CNTN5: variants seen among roughly 807,000 people sequenced by gnomAD.
CNTN5 encodes contactin-5.
In CNTN5, 77 loss-of-function variants were observed where a neutral mutation model predicts 129.1. The observed-to-expected ratio is 0.60, with a 90% confidence interval of 0.50 to 0.72. The LOEUF (loss-of-function observed/expected upper bound fraction) is 0.72. Among genes scored for constraint, CNTN5 ranks in the 30% least tolerant of loss-of-function variants. The pLI, the probability that CNTN5 is intolerant of heterozygous loss-of-function variation, is 0.00. For missense variants in CNTN5, 1,478 were observed against 1,328.8 expected (o/e 1.11, Z -1.75); for synonymous variants, 509 against 465.6 (o/e 1.09, Z -1.20).
intron 1 of CNTN5, among the ~76,000 whole-genome samples, chr11:99,078,118 C>T (rs948788191): frequency 2.0e-5 from 3 of 152,114 alleles, no homozygotes; most frequent in Non-Finnish European, 4.4e-5. Flanking sequence ...AAAATGAACA[C>T]AAAAATTGAT....
intron 7 of CNTN5, among the ~76,000 whole-genome samples, chr11:99,945,816 C>T (rs928644687): frequency 1.7e-4 from 26 of 152,120 alleles, no homozygotes; most frequent in African/African-American, 6.0e-4. Context: ...TGTCTCAGTT[C>T]TTCCCCAGAG....
intron 7 of CNTN5, among the ~76,000 whole-genome samples, chr11:99,934,896 G>GTT: frequency 1.2e-4 from 1 of 8,474 alleles, no homozygotes; most frequent in African/African-American, 4.5e-4. Context: ...GTGTGTGTGT[G>GTT]TGTATATATA....
chr11:99,409,289 C>T (rs969797349), intron 2 of CNTN5, among the ~76,000 whole-genome samples: 3 of 151,978 alleles, frequency 2.0e-5, no homozygotes, highest in Non-Finnish European at 4.4e-5. Flanking sequence ...ACGGTGAAAC[C>T]GCATCTCTAC....
intron 8 of CNTN5, among the ~76,000 whole-genome samples, chr11:99,973,922 C>A (rs1018383971): frequency 6.6e-6 from 1 of 152,142 alleles, no homozygotes; most frequent in Non-Finnish European, 1.5e-5. Flanking sequence ...CTCATATATT[C>A]AAATGAGTGT....
At chr11:99,998,673 AC>A (rs1235287810) in intron 8 of CNTN5, among the ~76,000 whole-genome samples, 1 of 125,764 alleles carries the variant, frequency 8.0e-6, no homozygotes, top group Non-Finnish European at 1.7e-5. Flanking sequence ...TTCATATGGA[AC>A]CAAAAAAGAG....
intron 3 of CNTN5, among the ~76,000 whole-genome samples, chr11:99,609,952 G>A (rs1950545965): frequency 6.6e-6 from 1 of 152,100 alleles, no homozygotes; most frequent in East Asian, 1.9e-4. Context: ...CAGGCACTAT[G>A]TATAGTGATT....
intron 23 of CNTN5, among the ~76,000 whole-genome samples, chr11:100,342,738 C>T (rs1366582837): frequency 3.9e-5 from 6 of 152,098 alleles, no homozygotes; most frequent in African/African-American, 7.2e-5. Flanking sequence ...GGATGACTAA[C>T]GTTGGCCCAG....
chr11:99,957,136 G>A, intron 8 of CNTN5, 127 bp downstream of exon 8: 1 of 801,238 alleles, frequency 1.2e-6, no homozygotes, highest in Admixed American at 3.1e-5. Context: ...GCCATATTTA[G>A]ACACTACATT....
chr11:99,343,926 C>T (rs748227763), intron 2 of CNTN5, among the ~76,000 whole-genome samples: 2 of 152,212 alleles, frequency 1.3e-5, no homozygotes, highest in Admixed American at 6.5e-5. Flanking sequence ...GCCTCATTTA[C>T]ATTCATAAAA....
chr11:99,631,444 A>C (rs1591389387), intron 3 of CNTN5, among the ~76,000 whole-genome samples: 1 of 152,040 alleles, frequency 6.6e-6, no homozygotes, highest in South Asian at 2.1e-4. Flanking sequence ...TAATAATATA[A>C]ATGTTTAATT....
chr11:100,056,868 A>G (rs925737134), intron 9 of CNTN5, among the ~76,000 whole-genome samples: 4 of 151,814 alleles, frequency 2.6e-5, no homozygotes, highest in African/African-American at 9.7e-5. Context: ...CTGTTCTGAA[A>G]TTATTAAAAA....
intron 3 of CNTN5, among the ~76,000 whole-genome samples, chr11:99,687,182 T>A (rs887582825): frequency 1.7e-4 from 26 of 152,054 alleles, no homozygotes; most frequent in African/African-American, 6.3e-4. Context: ...TGTTATTTAG[T>A]TGGGTATTAT....
At chr11:99,190,561 C>T (rs1858585838) in intron 1 of CNTN5, among the ~76,000 whole-genome samples, 1 of 151,184 alleles carries the variant, frequency 6.6e-6, no homozygotes, top group East Asian at 1.9e-4. Flanking sequence ...TTTGTTTCTT[C>T]TTCTATTTTT....
chr11:99,903,873 C>A (rs1949423112), intron 6 of CNTN5, among the ~76,000 whole-genome samples: 1 of 151,938 alleles, frequency 6.6e-6, no homozygotes, highest in African/African-American at 2.4e-5. Context: ...TGAATAGATA[C>A]CTATCAAAAC....
At chr11:99,266,459 A>C (rs1166105050) in intron 1 of CNTN5, among the ~76,000 whole-genome samples, 1 of 151,978 alleles carries the variant, frequency 6.6e-6, no homozygotes, top group African/African-American at 2.4e-5. Context: ...AAAGTTATCC[A>C]GGCATGGTGG....
At chr11:99,427,749 C>T (rs1235795657) in intron 2 of CNTN5, among the ~76,000 whole-genome samples, 1 of 97,654 alleles carries the variant, frequency 1.0e-5, no homozygotes, top group Non-Finnish European at 1.8e-5. Flanking sequence ...CTGGGTGACA[C>T]AGCAAGACTC....
intron 18 of CNTN5, among the ~76,000 whole-genome samples, chr11:100,293,486 T>A (rs1414586717): frequency 6.6e-6 from 1 of 151,842 alleles, no homozygotes; most frequent in African/African-American, 2.4e-5. Context: ...AGACTCACGA[T>A]GAACTTTCAG....
intron 13 of CNTN5, among the ~76,000 whole-genome samples, chr11:100,115,342 C>G (rs1186537614): frequency 1.3e-5 from 2 of 151,970 alleles, no homozygotes; most frequent in Non-Finnish European, 2.9e-5. Flanking sequence ...GTATTTAGCT[C>G]ATTTTGATCA....
At chr11:99,100,445 ATATAT>A in intron 1 of CNTN5, among the ~76,000 whole-genome samples, 1 of 152,240 alleles carries the variant, frequency 6.6e-6, no homozygotes, top group East Asian at 1.9e-4. Context: ...TAAATCCTAA[ATATAT>A]TGTTTTTTGG....
Sources: allele counts gnomAD v4.1 joint callset (sites outside exome capture counted in the v4.1 genomes callset), GRCh38; gene constraint gnomAD v4.1.1; transcripts MANE v1.5; gene names NCBI Gene and HGNC (gene_info 2026-07-23, HGNC 2026-07-21).